CNBD2: variants seen among roughly 807,000 people sequenced by gnomAD.
The protein encoded by CNBD2 is cyclic nucleotide-binding domain-containing protein 2.
Under a neutral mutation model 63.7 loss-of-function variants are expected in CNBD2, and 64 were observed. The observed-to-expected ratio is 1.00, with a 90% CI of 0.82 to 1.24. The LOEUF is 1.24. CNBD2 is among the 50% of genes most tolerant of loss of function. The pLI is 0.00. For synonymous variants in CNBD2, 229 were observed against 255.4 expected (o/e 0.90, Z 0.99); for missense variants, 691 against 713.5 (o/e 0.97, Z 0.36).
chr20:35,994,527 T>G (rs890757476), intron 7 of CNBD2, among the ~76,000 whole-genome samples: 3 of 151,542 alleles, frequency 2.0e-5, no homozygotes, highest in Admixed American at 6.6e-5. Flanking sequence ...GTTCTTATGC[T>G]TCTTCAGTTA....
At chr20:36,000,367 TTTTATTTA>T (rs750038631) in intron 8 of CNBD2, among the ~76,000 whole-genome samples, 1 of 152,144 alleles carries the variant, frequency 6.6e-6, no homozygotes, top group Non-Finnish European at 1.5e-5. Flanking sequence ...TCCGTTAACA[TTTTATTTA>T]TTTATTTATT....
At chr20:35,997,862 A>G (rs1339491869) in intron 8 of CNBD2, among the ~76,000 whole-genome samples, 3 of 152,048 alleles carry the variant, frequency 2.0e-5, no homozygotes, top group Non-Finnish European at 4.4e-5. Context: ...CCAGAGAAAA[A>G]GTTGCATCCC....
downstream of CNBD2, among the ~76,000 whole-genome samples, chr20:35,958,222 G>A (rs535193553): frequency 1.1e-4 from 17 of 152,154 alleles, no homozygotes; most frequent in South Asian, 1.5e-3. Context: ...CACGAGTTCA[G>A]GAGTTTGAGA....
chr20:35,981,337 G>A (rs548632756), intron 4 of CNBD2, among the ~76,000 whole-genome samples: 2 of 152,226 alleles, frequency 1.3e-5, no homozygotes, highest in Admixed American at 6.5e-5. Context: ...AACAGTGCCT[G>A]TGCTCCCTCA....
chr20:36,024,284 G>A (rs1351480186), intron 11 of CNBD2, among the ~76,000 whole-genome samples: 2 of 152,070 alleles, frequency 1.3e-5, no homozygotes, highest in Non-Finnish European at 2.9e-5. Context: ...GCAGTGAGCT[G>A]AGATGGCATC....
downstream of CNBD2, among the ~76,000 whole-genome samples, chr20:35,957,104 C>G (rs1392020146): frequency 1.3e-5 from 2 of 152,122 alleles, no homozygotes; most frequent in African/African-American, 4.8e-5. Flanking sequence ...TCTTCCATCC[C>G]TATTGAAATC....
At chr20:35,994,668 T>C (rs1037158200) in intron 7 of CNBD2, among the ~76,000 whole-genome samples, 1 of 150,426 alleles carries the variant, frequency 6.6e-6, no homozygotes, top group African/African-American at 2.4e-5. Flanking sequence ...GCAGGCAGAT[T>C]GCTTGAGGTC....
At chr20:35,959,841 T>C (rs17432470), downstream of CNBD2, among the ~76,000 whole-genome samples, 14,902 of 152,254 alleles carry the variant, frequency 0.098, 776 homozygotes, top group South Asian at 0.17. Context: ...GTAGGAACCA[T>C]GGAAGGACTT....
chr20:36,013,615 G>A (rs2057093038), intron 10 of CNBD2, among the ~76,000 whole-genome samples: 1 of 152,202 alleles, frequency 6.6e-6, no homozygotes, highest in Non-Finnish European at 1.5e-5. Context: ...CTGTGTCTGA[G>A]CACTGTGCCC....
At chr20:36,005,727 G>T (rs1386573322) in intron 8 of CNBD2, among the ~76,000 whole-genome samples, 1 of 151,846 alleles carries the variant, frequency 6.6e-6, no homozygotes, top group Non-Finnish European at 1.5e-5. Context: ...GAGGTAGACG[G>T]ATCACGAGGT....
rs11905148 is a variant in CNBD2, at chr20:35,995,259, A to T, written c.970+107A>T. 858 of 713,874 alleles carry T rather than the reference A, an allele frequency of 1.2e-3. 6 individuals are homozygous for T. In the African/African-American group the frequency reaches 0.014, roughly 11 times the overall value. The allele number at this position is 713,874 out of a possible 1,614,324, so 44.2% of individuals were successfully genotyped here. A position where few individuals can be genotyped will look rare whatever the true frequency, so the allele number is the denominator to read the frequency against. On this transcript the variant is annotated intron_variant, in intron 8 of 11. Coordinates refer to ENST00000373973, the MANE Select transcript of CNBD2 (RefSeq NM_001365709.1). ...ATCTAGTCAGCCAGCCTGACAGCGT[A>T]TATCATCTGCACCCTTCTACCAGCG...
At position 35,984,669 on chromosome 20, in the gene CNBD2, G is replaced by A. The variant is rs750702259; in HGVS notation, c.607G>A (p.Val203Ile). The change falls in exon 6 of 12, where the codon GTC becomes ATC. Residue 203 changes from valine to isoleucine, a missense_variant. Val to Ile is a conservative substitution (Grantham distance 29). Coordinates refer to ENST00000373973, the MANE Select transcript of CNBD2 (RefSeq NM_001365709.1). ...TGCTTCAGTGAGGAGGTCCACCATC[G>A]TCTGTATGGAAGAAACGGAGTTCCT... ...LHASVRRSTI[V>I]CMEETEFLVV... 1.2e-5 allele frequency: 20 copies of A among 1,614,106 alleles called. No individual in the cohort carries two copies. Among genetic ancestry groups the A allele is most frequent in the Middle Eastern group, 3.3e-4 (2 of 6,084 alleles).
At chr20:35,977,110 A>C (rs1316773574) in intron 3 of CNBD2, among the ~76,000 whole-genome samples, 2 of 152,210 alleles carry the variant, frequency 1.3e-5, no homozygotes, top group Non-Finnish European at 2.9e-5. Context: ...TCCTTCAGGC[A>C]GGAGAAACTA....
intron 8 of CNBD2, among the ~76,000 whole-genome samples, chr20:36,001,875 G>T (rs1310202242): frequency 2.7e-5 from 4 of 150,824 alleles, no homozygotes; most frequent in African/African-American, 9.8e-5. Flanking sequence ...TTCCTAGATG[G>T]GATGGCGGCC....
chr20:35,971,141 G>T (rs1300263979), intron 1 of CNBD2, among the ~76,000 whole-genome samples: 1 of 151,238 alleles, frequency 6.6e-6, no homozygotes, highest in Non-Finnish European at 1.5e-5. Flanking sequence ...TAGAGACGGG[G>T]TTTCACCGTG....
chr20:35,961,215 G>C (rs972706405), intron 2 of CNBD2, among the ~76,000 whole-genome samples: 1 of 152,210 alleles, frequency 6.6e-6, no homozygotes, highest in Non-Finnish European at 1.5e-5. Context: ...ACAGGCGTGA[G>C]CCACCACGCC....
intron 8 of CNBD2, among the ~76,000 whole-genome samples, chr20:35,998,198 A>G (rs1008882937): frequency 6.6e-6 from 1 of 151,562 alleles, no homozygotes; most frequent in Non-Finnish European, 1.5e-5. Context: ...TGCACCACCA[A>G]ACCCAGCTAA....
chr20:36,000,194 T>G (rs1477973147), intron 8 of CNBD2, among the ~76,000 whole-genome samples: 1 of 152,212 alleles, frequency 6.6e-6, no homozygotes, highest in African/African-American at 2.4e-5. Flanking sequence ...GTCTGAAAAC[T>G]ATTTTATCTT....
At chr20:36,000,120 G>A (rs1274459360) in intron 8 of CNBD2, among the ~76,000 whole-genome samples, 1 of 152,176 alleles carries the variant, frequency 6.6e-6, no homozygotes, top group African/African-American at 2.4e-5. Context: ...TCTGCCTGAA[G>A]TACTTCCTTT....
Sources: gnomAD v4.1 joint callset for allele counts (sites outside exome capture counted in the v4.1 genomes callset) on GRCh38, gnomAD v4.1.1 for gene constraint, MANE v1.5 for transcripts, NCBI Gene and HGNC (gene_info 2026-07-23, HGNC 2026-07-21) for gene names.